The following GLIS3 variants were observed in gnomAD, a reference collection of about 807,000 sequenced individuals.
GLIS3 encodes GLIS family zinc finger 3, also known as zinc finger protein GLIS3.
Under a neutral mutation model 78.6 loss-of-function variants are expected in GLIS3, and 53 were observed. That is an observed-to-expected ratio of 0.67 (90% CI 0.54 to 0.85). The LOEUF is 0.85. GLIS3 is among the 40% of genes least tolerant of loss of function. GLIS3 has a pLI of 0.00. For synonymous variants in GLIS3, 684 were observed against 509.9 expected, an observed-to-expected ratio of 1.34 and a Z score of -4.60; for missense variants, 1,703 against 1,231.1, an observed-to-expected ratio of 1.38 and a Z score of -5.74.
intron 2 of GLIS3, among the ~76,000 whole-genome samples, chr9:4,209,810 T>A (rs1820224212): frequency 2.5e-5 from 2 of 79,694 alleles, no homozygotes; most frequent in South Asian, 5.7e-4. Flanking sequence ...TCCAGTAGCA[T>A]TCCCGCCCCC....
chr9:4,017,549 G>A (rs892653152), intron 4 of GLIS3, among the ~76,000 whole-genome samples: 16 of 152,158 alleles, frequency 1.1e-4, no homozygotes, highest in African/African-American at 3.9e-4. Flanking sequence ...ATCTCTCTTT[G>A]AGCAGAAGTA....
intron 2 of GLIS3, among the ~76,000 whole-genome samples, chr9:4,345,091 T>C (rs1817881163): frequency 6.6e-6 from 1 of 152,208 alleles, no homozygotes; most frequent in Non-Finnish European, 1.5e-5. Flanking sequence ...CACTCCTCTA[T>C]TCAAGTCTCC....
intron 2 of GLIS3, among the ~76,000 whole-genome samples, chr9:4,243,908 G>A (rs186349592): frequency 1.3e-5 from 2 of 152,222 alleles, no homozygotes; most frequent in African/African-American, 4.8e-5. Flanking sequence ...AGAGGATGTG[G>A]AATAGAGCAG....
At chr9:4,245,108 A>G (rs1172768507) in intron 2 of GLIS3, among the ~76,000 whole-genome samples, 1 of 152,188 alleles carries the variant, frequency 6.6e-6, no homozygotes, top group Non-Finnish European at 1.5e-5. Flanking sequence ...TAACGTGTCT[A>G]GGTATGTATG....
the GLIS3 span, among the ~76,000 whole-genome samples, chr9:4,456,315 C>A: frequency 1.3e-5 from 2 of 152,114 alleles, no homozygotes; most frequent in Non-Finnish European, 2.9e-5. Context: ...TTGATGGTTG[C>A]TGAATGTTGG....
At chr9:3,964,967 T>C (rs1290266747) in intron 4 of GLIS3, among the ~76,000 whole-genome samples, 29 of 152,042 alleles carry the variant, frequency 1.9e-4, no homozygotes, top group Non-Finnish European at 4.3e-4. Context: ...ATAACTCTAT[T>C]CTAAACTTAG....
chr9:4,336,422 G>C (rs1241895455), intron 2 of GLIS3, among the ~76,000 whole-genome samples: 1 of 152,166 alleles, frequency 6.6e-6, no homozygotes, highest in Non-Finnish European at 1.5e-5. Context: ...GGCAGTTCTG[G>C]GTCAGGGACC....
chr9:3,893,753 A>G (rs1389329622), intron 7 of GLIS3, among the ~76,000 whole-genome samples: 1 of 152,206 alleles, frequency 6.6e-6, no homozygotes, highest in East Asian at 1.9e-4. Context: ...ACTTGTTAGA[A>G]CTGTCTGGCA....
chr9:4,201,776 A>G (rs924154948), intron 2 of GLIS3, among the ~76,000 whole-genome samples: 3 of 152,200 alleles, frequency 2.0e-5, no homozygotes, highest in African/African-American at 7.2e-5. Flanking sequence ...AGCAATCTAC[A>G]GATTCAGTGC....
At chr9:4,080,781 C>T (rs970136392) in intron 4 of GLIS3, among the ~76,000 whole-genome samples, 4 of 152,068 alleles carry the variant, frequency 2.6e-5, no homozygotes, top group African/African-American at 4.8e-5. Flanking sequence ...TTACAAATAT[C>T]AAAGAAAGAT....
rs543839431 is a variant in GLIS3, at chr9:4,062,329, G to C, written c.1710+55439C>G. Among the ~76,000 whole-genome samples, 214 of 152,316 alleles carry C rather than the reference G, an allele frequency of 1.4e-3. 1 individual carries two copies. Among genetic ancestry groups the C allele is most frequent in the Non-Finnish European group, 2.4e-3 (163 of 68,032 alleles). ...TTTCCCATATTGAAAATACTGGTGG[G>C]ATTGGGAGAGAGGTGGAAAGAAAAG... is the stretch of plus-strand genomic sequence containing the variant. On this transcript the variant is annotated intron_variant, in intron 4 of 10. Transcript: ENST00000381971.
At chr9:4,152,114 C>T in intron 2 of GLIS3, 2 of 982,662 alleles carry the variant, frequency 2.0e-6, no homozygotes, top group Non-Finnish European at 2.4e-6. Flanking sequence ...CCATTCAAAC[C>T]TCTATTAGTT....
At chr9:4,373,031 A>G in the GLIS3 span, among the ~76,000 whole-genome samples, 1 of 152,208 alleles carries the variant, frequency 6.6e-6, no homozygotes, top group East Asian at 1.9e-4. Flanking sequence ...CATAAAGAAA[A>G]ACACAAGTTG....
chr9:4,363,625 G>A, the GLIS3 span, among the ~76,000 whole-genome samples: 7 of 152,148 alleles, frequency 4.6e-5, no homozygotes, highest in Non-Finnish European at 1.0e-4. Flanking sequence ...ATGTTTCCTA[G>A]CATCTGTGTA....
chr9:4,075,702 C>G (rs947529733), intron 4 of GLIS3, among the ~76,000 whole-genome samples: 1 of 151,880 alleles, frequency 6.6e-6, no homozygotes, highest in African/African-American at 2.4e-5. Context: ...AAACCAGAAA[C>G]AACCCAAGTG....
At chr9:4,196,981 T>A (rs1208561890) in intron 2 of GLIS3, among the ~76,000 whole-genome samples, 1 of 152,146 alleles carries the variant, frequency 6.6e-6, no homozygotes, top group Non-Finnish European at 1.5e-5. Context: ...TCTGCTTGCC[T>A]GGACCAGCAG....
At chr9:4,202,408 C>A (rs1819485809) in intron 2 of GLIS3, among the ~76,000 whole-genome samples, 1 of 147,342 alleles carries the variant, frequency 6.8e-6, no homozygotes, top group African/African-American at 2.5e-5. Context: ...ACCTCAGCCT[C>A]CCAAGGACTC....
intron 4 of GLIS3, among the ~76,000 whole-genome samples, chr9:4,069,998 A>G (rs1393932468): frequency 6.6e-6 from 1 of 152,044 alleles, no homozygotes; most frequent in Admixed American, 6.6e-5. Flanking sequence ...AACATGGCCT[A>G]TGGTATCAAG....
At chr9:4,034,632 A>G in intron 4 of GLIS3, 1 of 152,212 alleles carries the variant, frequency 6.6e-6, no homozygotes, top group East Asian at 1.9e-4. Context: ...GCAGACTGCC[A>G]CATTTACAAG....
Sources: gnomAD v4.1 joint callset for allele counts (sites outside exome capture counted in the v4.1 genomes callset) on GRCh38, gnomAD v4.1.1 for gene constraint, MANE v1.5 for transcripts, NCBI Gene and HGNC (gene_info 2026-07-23, HGNC 2026-07-21) for gene names.